Variants in SLCO5A1 observed in about 807,000 individuals in gnomAD.
SLCO5A1 encodes organic anion transporter polypeptide-related protein 4.
In SLCO5A1, 39 loss-of-function variants were observed where a neutral mutation model predicts 65.1. The ratio of observed to expected loss-of-function variants is 0.60; its 90% CI spans 0.46 to 0.78. The LOEUF is 0.78. SLCO5A1 is among the 30% of genes least tolerant of loss of function. SLCO5A1 has a pLI of 0.00. For missense variants in SLCO5A1, 1,029 were observed against 1,069.4 expected, an observed-to-expected ratio of 0.96 and a Z score of 0.53; for synonymous variants, 438 against 415.7, an observed-to-expected ratio of 1.05 and a Z score of -0.65.
chr8:69,693,010 A>C (rs1814340223), intron 6 of SLCO5A1, among the ~76,000 whole-genome samples: 2 of 152,232 alleles, frequency 1.3e-5, no homozygotes, highest in South Asian at 4.1e-4. Context: ...CTGCCAGCAC[A>C]GTAGGTTTCT....
chr8:69,791,310 C>T (rs947963679), intron 2 of SLCO5A1, among the ~76,000 whole-genome samples: 2 of 152,168 alleles, frequency 1.3e-5, no homozygotes, highest in East Asian at 3.9e-4. Context: ...AGCATGATCG[C>T]TCTGCAGGGA....
intron 2 of SLCO5A1, among the ~76,000 whole-genome samples, chr8:69,814,944 A>C (rs1241723416): frequency 2.0e-5 from 3 of 152,230 alleles, no homozygotes; most frequent in African/African-American, 7.2e-5. Flanking sequence ...AATCATGTTC[A>C]CTTGTGAAAT....
At chr8:69,792,883 T>C (rs969094295) in intron 2 of SLCO5A1, among the ~76,000 whole-genome samples, 4 of 152,234 alleles carry the variant, frequency 2.6e-5, no homozygotes, top group African/African-American at 9.6e-5. Flanking sequence ...GTATACTCTT[T>C]GGAAAAAAAA....
chr8:69,719,522 A>G (rs1035114205), intron 5 of SLCO5A1, among the ~76,000 whole-genome samples: 9 of 152,272 alleles, frequency 5.9e-5, no homozygotes, highest in Admixed American at 5.9e-4. Context: ...TTAAAGTAAT[A>G]GTAAGACAAA....
At chr8:69,709,486 T>C (rs181616885) in intron 5 of SLCO5A1, among the ~76,000 whole-genome samples, 1 of 152,372 alleles carries the variant, frequency 6.6e-6, no homozygotes, top group East Asian at 1.9e-4. Flanking sequence ...TTTTCTGTTT[T>C]ATTTTTCCAT....
chr8:69,704,353 G>A (rs539753687), intron 6 of SLCO5A1, among the ~76,000 whole-genome samples: 3 of 152,324 alleles, frequency 2.0e-5, no homozygotes, highest in African/African-American at 7.2e-5. Context: ...CATATGTAAA[G>A]CACTTAAGAG....
Position 69,832,595 on chromosome 8 carries a change from T to C in SLCO5A1, c.79A>G (p.Arg27Gly). The change falls in exon 2 of 10, where the codon AGG becomes GGG. Residue 27 changes from arginine to glycine, a missense_variant. By Grantham distance (125) the Arg-to-Gly change is moderately radical. This residue lies in a region of SLCO5A1 where 647 missense variants were observed against 647.5 expected (regional missense o/e 1.00). Transcript: ENST00000260126. The surrounding 1 kb of genome is among the most constrained non-coding windows in gnomAD (Gnocchi z 4.5). Reference sequence around the variant, plus strand: ...GACCTGAGGGTCTCCGGCTCGCACCTCTCTTGGACAGCTTCTGCAGTGGCC... The same window carrying C: ...GACCTGAGGGTCTCCGGCTCGCACCCCTCTTGGACAGCTTCTGCAGTGGCC... Reference protein sequence around the residue: ...APATAEAVQERCEPETLRSKS... With the variant: ...APATAEAVQEGCEPETLRSKS... 1 of 1,612,664 alleles carries C rather than the reference T, an allele frequency of 6.2e-7. No homozygotes were observed. The highest frequency in any genetic ancestry group is 8.5e-7 in the Non-Finnish European group (1 of 1,179,814).
chr8:69,715,429 G>T (rs1338807912), intron 5 of SLCO5A1, among the ~76,000 whole-genome samples: 1 of 152,234 alleles, frequency 6.6e-6, no homozygotes, highest in African/African-American at 2.4e-5. Flanking sequence ...CTCTGGGCAA[G>T]ATCCATTTTC....
chr8:69,832,374 G>GA lies in SLCO5A1; in HGVS notation c.299_300insT (p.Leu101ProfsTer57). On this transcript the variant is annotated frameshift_variant, in exon 2 of 10. Coordinates refer to ENST00000260126, the MANE Select transcript of SLCO5A1 (RefSeq NM_030958.3). LOFTEE classifies it high-confidence loss of function. This position sits in a 1 kb window ranked among gnomAD's most constrained non-coding sequence, Gnocchi z 4.5. Reference sequence around the variant, plus strand: ...AGGACACCGAGAAGGTTTTGCTGAGGTCCACCCTGTGGTTACAGTCCCCGA... The same window carrying GA: ...AGGACACCGAGAAGGTTTTGCTGAGGATCCACCCTGTGGTTACAGTCCCCGA... The GA allele has an allele frequency of 6.2e-7, 1 of 1,613,650 alleles. No homozygotes were observed. The highest frequency in any genetic ancestry group is 1.1e-5 in the South Asian group (1 of 91,052).
intron 2 of SLCO5A1, among the ~76,000 whole-genome samples, chr8:69,826,891 C>A (rs375083936): frequency 0.015 from 2,280 of 152,114 alleles, 26 homozygotes; most frequent in Non-Finnish European, 0.026. Flanking sequence ...AGACTTGGAA[C>A]CAACCCAAAT....
In SLCO5A1 at chr8:69,715,088, C is replaced by A. The variant is rs1815449452; in HGVS notation, c.1424-9859G>T. ...TATTTCATCTTTGATGGCTTACAAA[C>A]CTAAAAGAATTTTCTGCATCCACGC... On this transcript the variant is annotated intron_variant, in intron 5 of 9. Coordinates refer to ENST00000260126, the MANE Select transcript of SLCO5A1 (RefSeq NM_030958.3). 1.3e-5 allele frequency among the ~76,000 whole-genome samples: 2 copies of A among 152,118 alleles called. 1 individual carries two copies. The highest frequency in any genetic ancestry group is 4.1e-4 in the South Asian group (2 of 4,824).
At chr8:69,712,484 C>T (rs17667521) in intron 5 of SLCO5A1, among the ~76,000 whole-genome samples, 2,229 of 152,214 alleles carry the variant, frequency 0.015, 31 homozygotes, top group African/African-American at 0.022. Flanking sequence ...TATACGGGAG[C>T]TTAAAGCATG....
intron 6 of SLCO5A1, chr8:69,704,824 G>C: frequency 1.8e-6 from 1 of 553,244 alleles, no homozygotes; most frequent in Non-Finnish European, 3.2e-6. Context: ...GTCCCTCTGT[G>C]GGGTCAGAAG....
chr8:69,784,934 GAAA>G (rs763141824), intron 2 of SLCO5A1, among the ~76,000 whole-genome samples: 2 of 117,500 alleles, frequency 1.7e-5, no homozygotes, highest in Admixed American at 1.7e-4. Flanking sequence ...AAGAAAGAAA[GAAA>G]GAAAGAAAGA....
At chr8:69,791,022 G>A (rs1314529900) in intron 2 of SLCO5A1, among the ~76,000 whole-genome samples, 4 of 152,128 alleles carry the variant, frequency 2.6e-5, no homozygotes, top group Non-Finnish European at 5.9e-5. Flanking sequence ...ATAGAAAGAA[G>A]GAAAGGAGGG....
intron 2 of SLCO5A1, among the ~76,000 whole-genome samples, chr8:69,804,983 T>A (rs1435050726): frequency 6.6e-6 from 1 of 152,168 alleles, no homozygotes; most frequent in East Asian, 1.9e-4. Context: ...GATAAATATG[T>A]TCACAAACCA....
chr8:69,832,814 G>C lies in SLCO5A1; in HGVS notation c.-141C>G, dbSNP rs938181272. 1.0e-5 allele frequency: 10 copies of C among 965,522 alleles called. No individual in the cohort carries two copies. Among genetic ancestry groups the C allele is most frequent in the African/African-American group, 3.3e-5 (2 of 60,604 alleles). 59.8% of individuals were successfully genotyped at this position (965,522 alleles called of 1,614,324 possible). On this transcript the variant is annotated 5_prime_UTR_variant, in exon 2 of 10. Coordinates refer to ENST00000260126, the MANE Select transcript of SLCO5A1 (RefSeq NM_030958.3). This position sits in a 1 kb window ranked among gnomAD's most constrained non-coding sequence, Gnocchi z 4.5. Reference sequence around the variant, plus strand: ...GCTGGGGGCGCAGGGCCGCGCAGCAGGGCATCCTCACCAGCTGCGAGGCGC... The same window carrying C: ...GCTGGGGGCGCAGGGCCGCGCAGCACGGCATCCTCACCAGCTGCGAGGCGC...
At chr8:69,827,735 G>A (rs748233009) in intron 2 of SLCO5A1, among the ~76,000 whole-genome samples, 1 of 152,118 alleles carries the variant, frequency 6.6e-6, no homozygotes, top group East Asian at 1.9e-4. Flanking sequence ...ATTTTAATTC[G>A]TTATTTATTG....
At chr8:69,746,977 C>A (rs1817059577) in intron 4 of SLCO5A1, among the ~76,000 whole-genome samples, 1 of 152,114 alleles carries the variant, frequency 6.6e-6, no homozygotes, top group African/African-American at 2.4e-5. Context: ...CCTAAATCAC[C>A]CAGGGTCAGG....
Sources: gnomAD v4.1 joint callset for allele counts (sites outside exome capture counted in the v4.1 genomes callset) on GRCh38, gnomAD v4.1.1 for gene constraint, gnomAD v4.1.1 regional missense constraint, Gnocchi (gnomAD v3.1) non-coding constraint, MANE v1.5 for transcripts, NCBI Gene and HGNC (gene_info 2026-07-23, HGNC 2026-07-21) for gene names.